The following SYNE1 variants were observed in gnomAD, a reference collection of about 807,000 sequenced individuals.
SYNE1 encodes spectrin repeat containing nuclear envelope protein 1.
SYNE1 carries 616 observed loss-of-function variants against 1,111.0 expected under a neutral mutation model. The ratio of observed to expected loss-of-function variants is 0.55; its 90% CI spans 0.52 to 0.59. SYNE1 has a LOEUF of 0.59. Among genes scored for constraint, SYNE1 ranks in the 20% least tolerant of loss-of-function variants. The probability of loss-of-function intolerance (pLI) is 0.00; values close to 1 mark genes in which losing one functional copy is unlikely to be tolerated. For missense variants in SYNE1, 10,006 were observed against 10,417.0 expected (o/e 0.96, Z 1.72); for synonymous variants, 3,855 against 3,825.8 (o/e 1.01, Z -0.28).
intron 40 of SYNE1, among the ~76,000 whole-genome samples, chr6:152,418,245 G>A (rs1407933502): frequency 2.6e-5 from 4 of 151,990 alleles, no homozygotes; most frequent in Admixed American, 1.3e-4. Context: ...TTCTACCTCC[G>A]TAATATTTTT....
chr6:152,622,889 T>C (rs1211214950), intron 3 of SYNE1, among the ~76,000 whole-genome samples: 1 of 152,194 alleles, frequency 6.6e-6, no homozygotes, highest in Non-Finnish European at 1.5e-5. Context: ...ACCAACAGCA[T>C]GTAAGCATTC....
At chr6:152,319,056 A>G in intron 84 of SYNE1, 41 bp from the exon 85 acceptor site, 1 of 1,611,356 alleles carries the variant, frequency 6.2e-7, no homozygotes, top group Non-Finnish European at 8.5e-7. Flanking sequence ...GCCATGGTTA[A>G]AAGTGAATAA....
chr6:152,379,161 C>T (rs542916382), intron 56 of SYNE1, among the ~76,000 whole-genome samples: 13 of 152,188 alleles, frequency 8.5e-5, no homozygotes, highest in Non-Finnish European at 1.8e-4. Context: ...AAGTTTTTGA[C>T]CAAAACGTTA....
At chr6:152,208,277 A>G in intron 124 of SYNE1, 71 bp from the exon 125 acceptor site, 1 of 1,360,690 alleles carries the variant, frequency 7.3e-7, no homozygotes, top group Non-Finnish European at 1.0e-6. Context: ...CAGCCAATGT[A>G]TACACTGTCA....
rs41292872 is a variant in SYNE1, at chr6:152,355,043, T to C, written c.10609-67A>G. 1.0e-3 allele frequency: 1,587 copies of C among 1,575,448 alleles called. 19 individuals are homozygous for C. In the African/African-American group the frequency reaches 0.018, roughly 18 times the overall value. ...CACACTTGCATGGGTTAGCATGTCTTGCCCAAGCCAACTGTGCCCACTTGA... is the reference window on the plus strand; with the variant it reads ...CACACTTGCATGGGTTAGCATGTCTCGCCCAAGCCAACTGTGCCCACTTGA... On this transcript the variant is annotated intron_variant, in intron 66 of 145. Transcript: ENST00000367255.
chr6:152,428,469 C>T (rs929707385), intron 36 of SYNE1, 77 bp from the exon 37 acceptor site: 14 of 1,429,154 alleles, frequency 9.8e-6, no homozygotes, highest in Admixed American at 1.7e-5. Context: ...CACCGATCAT[C>T]GCAAAATATT....
chr6:152,394,449 T>G (rs2154138960), intron 51 of SYNE1, among the ~76,000 whole-genome samples: 1 of 152,312 alleles, frequency 6.6e-6, no homozygotes, highest in South Asian at 2.1e-4. Flanking sequence ...AAGCTGCACT[T>G]CCCTGTGGAA....
intron 88 of SYNE1, 65 bp downstream of exon 88, chr6:152,310,623 T>C (rs374352860): frequency 1.2e-6 from 2 of 1,609,762 alleles, no homozygotes; most frequent in Admixed American, 1.7e-5. Flanking sequence ...ATTTCCATAG[T>C]GGCATTGCCA....
chr6:152,195,593 A>G (rs1563394393), intron 127 of SYNE1, among the ~76,000 whole-genome samples: 1 of 152,204 alleles, frequency 6.6e-6, no homozygotes, highest in Non-Finnish European at 1.5e-5. Flanking sequence ...TAAGATCTGG[A>G]AGAATTATCT....
Position 152,254,867 on chromosome 6 carries a change from A to C in SYNE1, c.19470+13T>G. ...GAGAATGGTCACGTATCCTTTGATA[A>C]TATCTTACTTACCTGGAAATTTAGT... is the stretch of plus-strand genomic sequence containing the variant. On this transcript the variant is annotated intron_variant, in intron 104 of 145. Coordinates refer to ENST00000367255, the MANE Select transcript of SYNE1 (RefSeq NM_182961.4). 1 of 1,609,812 alleles carries C rather than the reference A, an allele frequency of 6.2e-7. No individual in the cohort carries two copies. Among genetic ancestry groups the C allele is most frequent in the Non-Finnish European group, 8.5e-7 (1 of 1,177,144 alleles).
chr6:152,136,160 AC>A (rs2057024392), intron 141 of SYNE1, among the ~76,000 whole-genome samples: 1 of 152,188 alleles, frequency 6.6e-6, no homozygotes, highest in African/African-American at 2.4e-5. Context: ...GTCTTCCCCA[AC>A]AAAAGCAGAG....
intron 130 of SYNE1, among the ~76,000 whole-genome samples, chr6:152,164,962 C>T (rs1297833429): frequency 6.6e-6 from 1 of 152,116 alleles, no homozygotes; most frequent in Non-Finnish European, 1.5e-5. Context: ...ATGTCAAGAG[C>T]AACATGACTT....
At chr6:152,526,230 C>T (rs2099163018) in intron 4 of SYNE1, 55 bp from the exon 5 acceptor site, 2 of 1,522,984 alleles carry the variant, frequency 1.3e-6, no homozygotes, top group Non-Finnish European at 1.8e-6. Flanking sequence ...CTCTGTTTCT[C>T]TCTTTCTCTC....
chr6:152,255,322 G>C (rs2090546398), intron 103 of SYNE1, among the ~76,000 whole-genome samples: 2 of 152,088 alleles, frequency 1.3e-5, no homozygotes, highest in South Asian at 4.1e-4. Context: ...TTAGGAATTT[G>C]GTACTTTTTT....
At chr6:152,234,037 G>T in intron 111 of SYNE1, 74 bp from the exon 112 acceptor site, 1 of 1,481,098 alleles carries the variant, frequency 6.8e-7, no homozygotes, top group Non-Finnish European at 9.3e-7. Flanking sequence ...GACCAATTTA[G>T]TGCATGAAAC....
chr6:152,478,806 C>T (rs2098852838), intron 14 of SYNE1, among the ~76,000 whole-genome samples: 1 of 152,048 alleles, frequency 6.6e-6, no homozygotes, highest in South Asian at 2.1e-4. Flanking sequence ...AGTCATCGCG[C>T]CTGGGGGTGT....
At chr6:152,303,903 GCACA>G (rs59642173) in intron 91 of SYNE1, among the ~76,000 whole-genome samples, 106 of 149,444 alleles carry the variant, frequency 7.1e-4, no homozygotes, top group African/African-American at 1.0e-3. Flanking sequence ...GTGTGCACAT[GCACA>G]CACACACACA....
At chr6:152,204,264 C>T (rs2076073569) in intron 126 of SYNE1, among the ~76,000 whole-genome samples, 1 of 151,266 alleles carries the variant, frequency 6.6e-6, no homozygotes, top group African/African-American at 2.4e-5. Context: ...ACTTGAGAGG[C>T]TGATGCACGA....
Position 152,225,843 on chromosome 6 carries a change from C to T in SYNE1, c.21229G>A (p.Glu7077Lys). 1.2e-6 allele frequency: 2 copies of T among 1,613,778 alleles called. No individual in the cohort carries two copies. The highest frequency in any genetic ancestry group is 1.7e-6 in the Non-Finnish European group (2 of 1,179,934). ...CCATTCTGCTCAATTTTCTCTACTT[C>T]TTTTTCTTTTGCTTTAATCAAATCT... Reference protein sequence around the residue: ...LEDLIKAKEKEVEKIEQNGLA... With the variant: ...LEDLIKAKEKKVEKIEQNGLA... The change falls in exon 116 of 146, where the codon GAA becomes AAA. Residue 7077 changes from glutamate to lysine, a missense_variant. Glu to Lys is a moderately conservative substitution (Grantham distance 56). Coordinates refer to ENST00000367255, the MANE Select transcript of SYNE1 (RefSeq NM_182961.4).
Sources: allele counts gnomAD v4.1 joint callset (sites outside exome capture counted in the v4.1 genomes callset), GRCh38; gene constraint gnomAD v4.1.1; transcripts MANE v1.5; gene names NCBI Gene and HGNC (gene_info 2026-07-23, HGNC 2026-07-21).